UBE2W: variants seen among roughly 807,000 people sequenced by gnomAD.
UBE2W encodes the protein ubiquitin-conjugating enzyme E2 W.
UBE2W carries 18 observed loss-of-function variants against 27.2 expected under a neutral mutation model. The ratio of observed to expected loss-of-function variants is 0.66; its 90% confidence interval spans 0.46 to 0.98. UBE2W has a LOEUF of 0.98. Among genes scored for constraint, UBE2W ranks in the 50% least tolerant of loss-of-function variants. The probability of loss-of-function intolerance (pLI) is 0.00; values close to 1 mark genes in which losing one functional copy is unlikely to be tolerated. For synonymous variants in UBE2W, 53 were observed against 57.2 expected, an observed-to-expected ratio of 0.93 and a Z score of 0.33; for missense variants, 90 against 180.2, an observed-to-expected ratio of 0.50 and a Z score of 2.87.
intron 5 of UBE2W, chr8:73,796,744 G>A (rs1049384959): frequency 2.6e-6 from 2 of 757,576 alleles, no homozygotes; most frequent in African/African-American, 3.8e-5. Context: ...ACAACTATGA[G>A]CCAAAGCCAT....
Position 73,786,232 on chromosome 8 carries a change from A to G in UBE2W, c.*7870T>C. On this transcript the variant is annotated 3_prime_UTR_variant, in exon 6 of 6. Transcript: ENST00000602593. ...AGCCAAAACCAATGAAGAATGATTA[A>G]TGATTTATTTAAAAGTAGTTTTCTC... 1 of 985,438 alleles carries G rather than the reference A, an allele frequency of 1.0e-6. No homozygotes were observed. Among genetic ancestry groups the G allele is most frequent in the Non-Finnish European group, 1.2e-6 (1 of 829,914 alleles). The allele number at this position is 985,438 out of a possible 1,614,324, so 61.0% of individuals were successfully genotyped here.
intron 5 of UBE2W, among the ~76,000 whole-genome samples, chr8:73,800,974 C>G (rs923409800): frequency 6.6e-6 from 1 of 152,082 alleles, no homozygotes; most frequent in Admixed American, 6.5e-5. Context: ...TGCCTGTAAC[C>G]CCAGCTACTC....
At chr8:73,833,898 C>G (rs1382630344) in intron 1 of UBE2W, 1 of 152,164 alleles carries the variant, frequency 6.6e-6, no homozygotes, top group Non-Finnish European at 1.5e-5. Context: ...CCTGAGACAA[C>G]CTGGTGGTCC....
intron 2 of UBE2W, among the ~76,000 whole-genome samples, chr8:73,827,550 G>C (rs1385198306): frequency 6.6e-6 from 1 of 151,538 alleles, no homozygotes; most frequent in Non-Finnish European, 1.5e-5. Context: ...TTTGTTTTGA[G>C]ACAGGGTCTC....
intron 3 of UBE2W, 124 bp downstream of exon 3, chr8:73,825,023 G>A: frequency 1.7e-6 from 1 of 605,590 alleles, no homozygotes; most frequent in Non-Finnish European, 2.9e-6. Flanking sequence ...TGACAAATAA[G>A]ATAATGAAAT....
chr8:73,790,415 C>A lies in UBE2W; in HGVS notation c.*3687G>T. ...GTAACGGCATTACTATAACACAGAA[C>A]AGTATAGTAGCTGATTCTGATAATG... On this transcript the variant is annotated 3_prime_UTR_variant, in exon 6 of 6. Coordinates refer to ENST00000602593, the MANE Select transcript of UBE2W (RefSeq NM_018299.6). The A allele has an allele frequency of 2.0e-6, 2 of 985,326 alleles. No homozygotes were observed. Among genetic ancestry groups the A allele is most frequent in the Non-Finnish European group, 2.4e-6 (2 of 829,886 alleles). The allele number at this position is 985,326 out of a possible 1,614,324, so 61.0% of individuals were successfully genotyped here. A position where few individuals can be genotyped will look rare whatever the true frequency, so the allele number is the denominator to read the frequency against.
At chr8:73,854,834 C>T (rs1811220246) in intron 1 of UBE2W, among the ~76,000 whole-genome samples, 1 of 152,156 alleles carries the variant, frequency 6.6e-6, no homozygotes. Flanking sequence ...TGTTATTTGT[C>T]AGTTACATAA....
intron 5 of UBE2W, among the ~76,000 whole-genome samples, chr8:73,802,895 C>A (rs1015414676): frequency 6.6e-6 from 1 of 152,128 alleles, no homozygotes; most frequent in Admixed American, 6.5e-5. Flanking sequence ...AGGTGGCGGG[C>A]GCCTGTAGTC....
intron 5 of UBE2W, among the ~76,000 whole-genome samples, chr8:73,803,983 G>A (rs1183601318): frequency 1.3e-5 from 2 of 150,294 alleles, no homozygotes; most frequent in Non-Finnish European, 3.0e-5. Context: ...AGCCAGGATG[G>A]TCTCAATCTC....
chr8:73,857,025 C>T (rs780041108), intron 1 of UBE2W, among the ~76,000 whole-genome samples: 9 of 152,008 alleles, frequency 5.9e-5, no homozygotes, highest in Non-Finnish European at 8.8e-5. Flanking sequence ...TAAAATGAAC[C>T]GCTAACTTTA....
At chr8:73,802,042 T>C (rs1310885433) in intron 5 of UBE2W, among the ~76,000 whole-genome samples, 1 of 152,210 alleles carries the variant, frequency 6.6e-6, no homozygotes, top group Non-Finnish European at 1.5e-5. Context: ...AAACTGAGTA[T>C]ATAATAATAA....
At position 73,830,388 on chromosome 8, in the gene UBE2W, T is replaced by C. The variant is rs1356473071; in HGVS notation, c.100A>G (p.Ile34Val). 1.2e-6 allele frequency: 2 copies of C among 1,611,234 alleles called. No homozygotes were observed. The highest frequency in any genetic ancestry group is 1.3e-5 in the African/African-American group (1 of 74,846). Residue 34 changes from isoleucine to valine, a missense_variant, in exon 2 of 6, where the codon ATT becomes GTT. By Grantham distance (29) the Ile-to-Val change is conservative. Coordinates refer to ENST00000602593, the MANE Select transcript of UBE2W (RefSeq NM_018299.6). ...TTAAAATTAAATACTTACTGTGTAA[T>C]TGAATTTTGAACACTCTTCTCATTT... ...TLNEKSVQNS[I>V]TQWIVDMEGA...
chr8:73,795,306 C>T (rs537488094), intron 5 of UBE2W, among the ~76,000 whole-genome samples: 3 of 152,262 alleles, frequency 2.0e-5, no homozygotes, highest in Middle Eastern at 6.8e-3. Flanking sequence ...TTGGTGCCCT[C>T]CTTGCAGTCA....
At position 73,792,108 on chromosome 8, in the gene UBE2W, A is replaced by G; in HGVS notation, c.*1994T>C. On this transcript the variant is annotated 3_prime_UTR_variant, in exon 6 of 6. Transcript: ENST00000602593. ...AAACAGTAGTGTAGAGCAGTTACGC[A>G]AAATATGAAAATACATAATTTACAG... 1.0e-6 allele frequency: 1 copy of G among 985,280 alleles called. No individual in the cohort carries two copies. Among genetic ancestry groups the G allele is most frequent in the Non-Finnish European group, 1.2e-6 (1 of 829,804 alleles). The allele number at this position is 985,280 out of a possible 1,614,324, so 61.0% of individuals were successfully genotyped here.
Position 73,794,020 on chromosome 8 carries a change from G to C in UBE2W, c.*82C>G, listed in dbSNP as rs1808308620. 3.1e-6 allele frequency: 5 copies of C among 1,596,772 alleles called. No homozygotes were observed. The South Asian group carries it at 4.6e-5, about 15-fold the overall frequency. On this transcript the variant is annotated 3_prime_UTR_variant, in exon 6 of 6. Coordinates refer to ENST00000602593, the MANE Select transcript of UBE2W (RefSeq NM_018299.6). ...GCCTATAGGTCACTTCCAGTCAAAG[G>C]TTAAAGTTCAAAGACTGAATGATCA... is the stretch of plus-strand genomic sequence containing the variant.
intron 5 of UBE2W, among the ~76,000 whole-genome samples, chr8:73,802,589 T>G (rs949895881): frequency 1.3e-5 from 2 of 152,250 alleles, no homozygotes; most frequent in Non-Finnish European, 2.9e-5. Flanking sequence ...AACATTTTTT[T>G]GGTTATATTT....
At chr8:73,824,816 G>A (rs928193537) in intron 3 of UBE2W, among the ~76,000 whole-genome samples, 3 of 152,180 alleles carry the variant, frequency 2.0e-5, no homozygotes, top group African/African-American at 4.8e-5. Context: ...CTCCTGTGTG[G>A]CCCGACTCCT....
At chr8:73,852,619 A>AT (rs1479068197) in intron 1 of UBE2W, among the ~76,000 whole-genome samples, 1 of 152,238 alleles carries the variant, frequency 6.6e-6, no homozygotes, top group African/African-American at 2.4e-5. Flanking sequence ...TACAATTCAA[A>AT]TTTTTTTACC....
intron 5 of UBE2W, among the ~76,000 whole-genome samples, chr8:73,795,462 C>G (rs73689053): frequency 0.031 from 4,743 of 152,246 alleles, 227 homozygotes; most frequent in African/African-American, 0.1. Context: ...GAAGCAAATG[C>G]CAGCACTATG....
Sources: allele counts gnomAD v4.1 joint callset (sites outside exome capture counted in the v4.1 genomes callset), GRCh38; gene constraint gnomAD v4.1.1; transcripts MANE v1.5; gene names NCBI Gene and HGNC (gene_info 2026-07-23, HGNC 2026-07-21).